DOCK10: variants seen among roughly 807,000 people sequenced by gnomAD.
DOCK10 encodes the protein dedicator of cytokinesis 10.
In DOCK10, 145 loss-of-function variants were observed where a neutral mutation model predicts 280.1. The observed-to-expected ratio is 0.52, with a 90% CI of 0.45 to 0.59. The LOEUF (loss-of-function observed/expected upper bound fraction) is 0.59, where lower values mean the gene tolerates loss of function less well. Among genes scored for constraint, DOCK10 ranks in the 20% least tolerant of loss-of-function variants. The pLI, the probability that DOCK10 is intolerant of heterozygous loss-of-function variation, is 0.00. For missense variants in DOCK10, 2,368 were observed against 2,651.7 expected, an observed-to-expected ratio of 0.89 and a Z score of 2.35; for synonymous variants, 915 against 942.2, an observed-to-expected ratio of 0.97 and a Z score of 0.53.
intron 1 of DOCK10, among the ~76,000 whole-genome samples, chr2:224,972,222 C>T (rs1392736473): frequency 6.6e-6 from 1 of 152,200 alleles, no homozygotes; most frequent in African/African-American, 2.4e-5. Flanking sequence ...ACATTATTTC[C>T]ATGTTCACTT....
At chr2:224,842,782 C>T (rs952279606) in intron 22 of DOCK10, among the ~76,000 whole-genome samples, 3 of 152,214 alleles carry the variant, frequency 2.0e-5, no homozygotes, top group Non-Finnish European at 4.4e-5. Context: ...GGCCCAACCC[C>T]TTCCTCTGTG....
At chr2:224,816,596 A>C (rs371122418) in intron 30 of DOCK10, 21 bp downstream of exon 30, 7 of 1,451,196 alleles carry the variant, frequency 4.8e-6, no homozygotes, top group Non-Finnish European at 6.7e-6. Context: ...GAACTGAGGA[A>C]AATTCTGGGA....
intron 2 of DOCK10, among the ~76,000 whole-genome samples, chr2:224,923,295 TAAG>T (rs771205106): frequency 2.0e-5 from 3 of 152,188 alleles, no homozygotes; most frequent in Admixed American, 6.5e-5. Context: ...TAGAATCCTA[TAAG>T]AAGAACTTCA....
At chr2:224,789,866 C>T (rs980353864) in intron 47 of DOCK10, among the ~76,000 whole-genome samples, 12 of 151,970 alleles carry the variant, frequency 7.9e-5, no homozygotes, top group African/African-American at 1.7e-4. Context: ...CTGCAACCTC[C>T]GCCTCCCGGG....
At chr2:224,801,891 G>A in intron 40 of DOCK10, 25 bp downstream of exon 40, 6 of 1,610,258 alleles carry the variant, frequency 3.7e-6, no homozygotes, top group Non-Finnish European at 5.1e-6. Flanking sequence ...TAACCATCTT[G>A]TTCCTATTAT....
At chr2:224,902,896 A>C (rs781088914) in intron 3 of DOCK10, among the ~76,000 whole-genome samples, 3 of 152,084 alleles carry the variant, frequency 2.0e-5, no homozygotes, top group Non-Finnish European at 4.4e-5. Context: ...GACCGAGACC[A>C]TCCTGGCTAA....
intron 1 of DOCK10, among the ~76,000 whole-genome samples, chr2:224,997,207 T>TTCCC (rs1372429792): frequency 1.7e-4 from 17 of 99,492 alleles, no homozygotes; most frequent in East Asian, 3.0e-4. Context: ...CCTCCCTCCC[T>TTCCC]TCCCTCCCTC....
At chr2:224,932,640 T>G (rs1347000326) in intron 1 of DOCK10, among the ~76,000 whole-genome samples, 2 of 152,306 alleles carry the variant, frequency 1.3e-5, no homozygotes, top group African/African-American at 2.4e-5. Flanking sequence ...AACGCTAAAG[T>G]GATCCCATAA....
At position 224,786,231 on chromosome 2, in the gene DOCK10, G is replaced by C. The variant is rs1559397421; in HGVS notation, c.5655+791C>G. On this transcript the variant is annotated intron_variant, in intron 50 of 55. Transcript: ENST00000258390. The surrounding 1 kb of genome is among the most constrained non-coding windows in gnomAD (Gnocchi z 4.7). Reference sequence around the variant, plus strand: ...TGGGGGCAGAGGAAGTGTGAGGTCTGAGAGCCACTGCCATTCCGAAAATAA... The same window carrying C: ...TGGGGGCAGAGGAAGTGTGAGGTCTCAGAGCCACTGCCATTCCGAAAATAA... Among the ~76,000 whole-genome samples the C allele has an allele frequency of 6.6e-6, 1 of 152,178 alleles. No homozygotes were observed. Among genetic ancestry groups the C allele is most frequent in the Non-Finnish European group, 1.5e-5 (1 of 68,044 alleles).
rs1042989617 is a variant in DOCK10 at position 224,825,607 on chromosome 2, G to T, written c.3037-1960C>A. Among the ~76,000 whole-genome samples, 3 of 152,198 alleles carry T rather than the reference G, an allele frequency of 2.0e-5. No individual in the cohort carries two copies. In the South Asian group the frequency reaches 6.2e-4, roughly 31 times the overall value. On this transcript the variant is annotated intron_variant, in intron 27 of 55. Transcript: ENST00000258390. ...ACATTTTCCCCACATGCATATGCAT[G>T]AATGCCTTGGGCTTTAATATTCCAT...
chr2:224,889,521 T>A (rs1699533373), intron 4 of DOCK10, among the ~76,000 whole-genome samples: 1 of 152,230 alleles, frequency 6.6e-6, no homozygotes, highest in South Asian at 2.1e-4. Flanking sequence ...GAATCTTTAA[T>A]AAGCACATTA....
intron 3 of DOCK10, among the ~76,000 whole-genome samples, chr2:224,915,405 T>C (rs1701249614): frequency 6.6e-6 from 1 of 152,168 alleles, no homozygotes; most frequent in African/African-American, 2.4e-5. Context: ...CATTTTTTCT[T>C]TTTTCTATCT....
chr2:224,881,377 A>AT (rs1274153087), intron 7 of DOCK10, among the ~76,000 whole-genome samples: 3 of 152,128 alleles, frequency 2.0e-5, no homozygotes, highest in African/African-American at 7.2e-5. Context: ...TCCAATATAT[A>AT]CTAGTATTTG....
intron 1 of DOCK10, among the ~76,000 whole-genome samples, chr2:225,007,652 A>G (rs1198786222): frequency 6.6e-6 from 1 of 152,192 alleles, no homozygotes; most frequent in Non-Finnish European, 1.5e-5. Context: ...AGAATAAAAA[A>G]GGTGGTGATC....
chr2:224,864,316 T>C (rs1697723509), intron 13 of DOCK10, among the ~76,000 whole-genome samples: 1 of 152,186 alleles, frequency 6.6e-6, no homozygotes, highest in Non-Finnish European at 1.5e-5. Context: ...GAGACCAGCC[T>C]GGTCAACATG....
At chr2:224,952,671 C>G (rs1322728350) in intron 1 of DOCK10, among the ~76,000 whole-genome samples, 70 of 149,606 alleles carry the variant, frequency 4.7e-4, no homozygotes, top group Non-Finnish European at 8.6e-4. Flanking sequence ...CGGCTCACTG[C>G]AAGCTCCGCC....
intron 33 of DOCK10, 92 bp downstream of exon 33, chr2:224,807,576 G>T: frequency 1.3e-6 from 1 of 796,264 alleles, no homozygotes; most frequent in Non-Finnish European, 2.1e-6. Context: ...TATGTTCACA[G>T]ATGAGAAGAA....
rs553314252 is a variant in DOCK10, at chr2:224,771,985, A to G, written c.6204+1172T>C. 4.6e-5 allele frequency among the ~76,000 whole-genome samples: 7 copies of G among 150,640 alleles called. No homozygotes were observed. In the East Asian group the frequency reaches 1.4e-3, roughly 30 times the overall value. On this transcript the variant is annotated intron_variant, in intron 53 of 55. Coordinates refer to ENST00000258390, the MANE Select transcript of DOCK10 (RefSeq NM_014689.3). ...ACTGATGCTGGAGTGCAATGGCATG[A>G]TCTCAGCTCACTGCAACCTCCACCT...
At chr2:224,808,969 T>C (rs187866037) in intron 31 of DOCK10, among the ~76,000 whole-genome samples, 289 of 151,984 alleles carry the variant, frequency 1.9e-3, no homozygotes, top group Admixed American at 4.2e-3. Context: ...CTAGGAAAAG[T>C]TGACTGAAGT....
Sources: gnomAD v4.1 joint callset for allele counts (sites outside exome capture counted in the v4.1 genomes callset) on GRCh38, gnomAD v4.1.1 for gene constraint, Gnocchi (gnomAD v3.1) non-coding constraint, MANE v1.5 for transcripts, NCBI Gene and HGNC (gene_info 2026-07-23, HGNC 2026-07-21) for gene names.